VPS13C: variants seen among roughly 807,000 people sequenced by gnomAD.
The protein encoded by VPS13C is intermembrane lipid transfer protein VPS13C.
A neutral mutation model predicts 456.8 loss-of-function variants in VPS13C; 358 were observed. The observed-to-expected ratio is 0.78, with a 90% CI of 0.72 to 0.86. The LOEUF (loss-of-function observed/expected upper bound fraction) is 0.86. VPS13C is among the 40% of genes least tolerant of loss of function. The probability of loss-of-function intolerance (pLI) is 0.00; values close to 1 mark genes in which losing one functional copy is unlikely to be tolerated. For missense variants in VPS13C, 4,818 were observed against 4,385.4 expected (o/e 1.10, Z -2.79); for synonymous variants, 1,578 against 1,486.7 (o/e 1.06, Z -1.41).
chr15:61,900,492 G>A (rs1812272846), intron 66 of VPS13C, among the ~76,000 whole-genome samples: 1 of 152,168 alleles, frequency 6.6e-6, no homozygotes, highest in Non-Finnish European at 1.5e-5. Flanking sequence ...CAAATCATGA[G>A]TGAACTCCCA....
rs778287890 is a variant in VPS13C at position 61,907,349 on chromosome 15, C to A, written c.9020G>T (p.Arg3007Leu). 1.2e-6 allele frequency: 2 copies of A among 1,613,944 alleles called. No homozygotes were observed. The change falls in exon 66 of 85, where the codon CGA becomes CTA. Residue 3007 changes from arginine to leucine, a missense_variant. Transcript: ENST00000644861. ...AGTAGGATCTGCCCAGGCAAAAAGT[C>A]GAGCCTGTCTTGGCAGCAAGACCAT... The part of the protein sequence containing the change: ...EEMVLLPRQA[R>L]LFAWADPTGT...
chr15:61,899,281 C>CA (rs879813319), intron 66 of VPS13C, among the ~76,000 whole-genome samples: 2,739 of 114,682 alleles, frequency 0.024, 26 homozygotes, highest in Middle Eastern at 0.051. Flanking sequence ...AATAGAGACA[C>CA]AAAAAACCCT....
rs1304703659 is a variant in VPS13C, at chr15:62,033,515, T to C, written c.311A>G (p.Glu104Gly). Residue 104 changes from glutamate (E) to glycine (G), a missense_variant, in exon 5 of 85, where the codon GAA becomes GGA. Physicochemically the swap from Glu to Gly is moderately conservative, Grantham distance 98. Around this residue, in one of 3 missense-constraint regions of VPS13C, gnomAD observed 4,552 missense variants for 4,130.6 expected, o/e 1.10. Coordinates refer to ENST00000644861, the MANE Select transcript of VPS13C (RefSeq NM_020821.3). The stretch of plus-strand genomic sequence containing the variant: ...CTGTTTAACATCCTGCAAGGATTTT[T>C]CTTCTTTTACAGCATCATACTTAAT... The part of the protein sequence containing the change: ...ASIKYDAVKE[E>G]KSLQDVKQKE... 3.7e-6 allele frequency: 6 copies of C among 1,606,006 alleles called. No homozygotes were observed. The East Asian group carries it at 6.7e-5, about 18-fold the overall frequency.
At chr15:61,907,140 C>G (rs747385365) in intron 66 of VPS13C, 124 bp downstream of exon 66, 24 of 1,463,160 alleles carry the variant, frequency 1.6e-5, no homozygotes, top group African/African-American at 2.8e-5. Flanking sequence ...CCAAAAGCTA[C>G]TTTTTCTGGA....
intron 12 of VPS13C, among the ~76,000 whole-genome samples, chr15:62,011,562 A>T (rs1199950715): frequency 6.6e-6 from 1 of 151,992 alleles, no homozygotes; most frequent in African/African-American, 2.4e-5. Context: ...CTAATAAAAA[A>T]CCAATAGCTT....
chr15:62,038,162 A>T (rs1231976095), intron 3 of VPS13C, among the ~76,000 whole-genome samples: 5 of 152,320 alleles, frequency 3.3e-5, no homozygotes, highest in Admixed American at 3.3e-4. Flanking sequence ...CTAAACATAA[A>T]ACCTGAAACT....
intron 40 of VPS13C, among the ~76,000 whole-genome samples, 176 bp downstream of exon 40, chr15:61,950,768 AG>A (rs1027312119): frequency 1.3e-5 from 2 of 152,058 alleles, no homozygotes; most frequent in African/African-American, 4.8e-5. Flanking sequence ...TCAATATCAT[AG>A]GGTAACTCAG....
chr15:62,057,132 G>A (rs1012618940), intron 1 of VPS13C, among the ~76,000 whole-genome samples: 7 of 152,242 alleles, frequency 4.6e-5, no homozygotes, highest in African/African-American at 1.7e-4. Context: ...CACCGACCCT[G>A]TGGGGCTGGT....
Position 61,949,463 on chromosome 15 carries a change from C to G in VPS13C, c.4739G>C (p.Arg1580Thr), listed in dbSNP as rs1181012028. 6.2e-7 allele frequency: 1 copy of G among 1,613,264 alleles called. No individual in the cohort carries two copies. The change falls in exon 42 of 85, where the codon AGA becomes ACA. Residue 1580 changes from arginine (R) to threonine (T), a missense_variant. Coordinates refer to ENST00000644861, the MANE Select transcript of VPS13C (RefSeq NM_020821.3). ...SELKPLVGES[R>T]SIAVKAVSSN... ...ATTACCAGCTTTGACAGCGATACTT[C>G]TGGACTCCCCCACAAGTGGTTTCAG...
intron 66 of VPS13C, among the ~76,000 whole-genome samples, chr15:61,895,249 A>G (rs1218762577): frequency 6.6e-6 from 1 of 152,154 alleles, no homozygotes; most frequent in African/African-American, 2.4e-5. Context: ...AAATGCCTAT[A>G]TCAAAAAAGT....
At chr15:61,981,902 G>C (rs2140387173) in intron 21 of VPS13C, among the ~76,000 whole-genome samples, 1 of 152,000 alleles carries the variant, frequency 6.6e-6, no homozygotes, top group African/African-American at 2.4e-5. Context: ...AAAAAGAAAA[G>C]TATTACAAAG....
intron 1 of VPS13C, among the ~76,000 whole-genome samples, chr15:62,046,633 C>T (rs1245914513): frequency 6.6e-6 from 1 of 152,106 alleles, no homozygotes; most frequent in East Asian, 1.9e-4. Flanking sequence ...AATTGGTGGG[C>T]CAAGAGTTAC....
At chr15:61,904,965 G>C (rs1023473698) in intron 66 of VPS13C, among the ~76,000 whole-genome samples, 6 of 151,990 alleles carry the variant, frequency 3.9e-5, no homozygotes, top group African/African-American at 1.4e-4. Flanking sequence ...GTTGATGTTG[G>C]TTACCAAAGG....
Position 61,962,440 on chromosome 15 carries a change from A to G in VPS13C, c.3534T>C (p.Asp1178=). 1 of 1,611,860 alleles carries G rather than the reference A, an allele frequency of 6.2e-7. No homozygotes were observed. Among genetic ancestry groups the G allele is most frequent in the South Asian group, 1.1e-5 (1 of 90,730 alleles). Residue 1178 remains aspartate (D), a synonymous_variant, in exon 34 of 85, where the codon GAT becomes GAC. Coordinates refer to ENST00000644861, the MANE Select transcript of VPS13C (RefSeq NM_020821.3). ...GDLYTDMSKV[D]GVLSLNVGCI... is the part of the protein sequence containing the mutation. ...AGCCAACATTCAGAGACAGCACACC[A>G]TCCACTTTGGACATGTCAGTATACA...
chr15:61,978,435 AT>A (rs2140373001), intron 23 of VPS13C, among the ~76,000 whole-genome samples, 190 bp downstream of exon 23: 1 of 152,318 alleles, frequency 6.6e-6, no homozygotes, highest in South Asian at 2.1e-4. Context: ...GACTAGCCAA[AT>A]TTCCATTTCT....
intron 3 of VPS13C, 92 bp from the exon 4 acceptor site, chr15:62,035,144 A>T: frequency 1.2e-6 from 1 of 831,536 alleles, no homozygotes; most frequent in Non-Finnish European, 1.9e-6. Context: ...AAGCATAAAA[A>T]ACTCTTCATG....
chr15:61,972,869 A>G, intron 26 of VPS13C, 105 bp from the exon 27 acceptor site: 1 of 1,243,288 alleles, frequency 8.0e-7, no homozygotes, highest in Non-Finnish European at 1.1e-6. Flanking sequence ...TATTAGATAT[A>G]ATCTTCATAT....
At chr15:61,883,333 G>A in intron 68 of VPS13C, among the ~76,000 whole-genome samples, 1 of 151,676 alleles carries the variant, frequency 6.6e-6, no homozygotes, top group Admixed American at 6.6e-5. Context: ...CACTGCACCT[G>A]GCCCAAAGAT....
chr15:61,882,553 C>T, intron 69 of VPS13C, 43 bp downstream of exon 69: 1 of 1,441,034 alleles, frequency 6.9e-7, no homozygotes, highest in Non-Finnish European at 9.1e-7. Flanking sequence ...TCCCAAGATT[C>T]CCAAAGTGAT....
Sources: allele counts gnomAD v4.1 joint callset (sites outside exome capture counted in the v4.1 genomes callset), GRCh38; gene constraint gnomAD v4.1.1; regional missense constraint gnomAD v4.1.1; transcripts MANE v1.5; gene names NCBI Gene and HGNC (gene_info 2026-07-23, HGNC 2026-07-21).